FAM135B: variants seen among roughly 807,000 people sequenced by gnomAD.
The protein encoded by FAM135B is family with sequence similarity 135 member B.
A neutral mutation model predicts 127.7 loss-of-function variants in FAM135B; 43 were observed. The ratio of observed to expected loss-of-function variants is 0.34; its 90% CI spans 0.26 to 0.43. FAM135B has a LOEUF of 0.43. Ranked by LOEUF, FAM135B falls within the 20% of genes least tolerant of loss-of-function variation. FAM135B has a pLI of 1.00. For synonymous variants in FAM135B, 670 were observed against 665.1 expected (o/e 1.01, Z -0.11); for missense variants, 1,558 against 1,725.6 (o/e 0.90, Z 1.72).
intron 2 of FAM135B, among the ~76,000 whole-genome samples, chr8:138,315,113 T>A (rs537963417): frequency 4.9e-4 from 75 of 152,090 alleles, no homozygotes; most frequent in African/African-American, 1.8e-3. Flanking sequence ...TGCAACTCAA[T>A]AGCAGTAATA....
chr8:138,433,934 G>C (rs1177940226), intron 1 of FAM135B, among the ~76,000 whole-genome samples: 1 of 152,204 alleles, frequency 6.6e-6, no homozygotes, highest in East Asian at 1.9e-4. Context: ...ATGAAGAGAA[G>C]GGAGCAGCTG....
chr8:138,164,424 G>A (rs1819704587), intron 12 of FAM135B, among the ~76,000 whole-genome samples: 1 of 152,156 alleles, frequency 6.6e-6, no homozygotes, highest in African/African-American at 2.4e-5. Context: ...TGCAAAGAGA[G>A]GCTGGTCCTA....
intron 7 of FAM135B, among the ~76,000 whole-genome samples, chr8:138,235,222 C>A (rs887185103): frequency 6.8e-6 from 1 of 146,994 alleles, no homozygotes; most frequent in Non-Finnish European, 1.5e-5. Context: ...TGACTGACAC[C>A]CACAATGTGT....
At chr8:138,332,446 C>T (rs971774547) in intron 2 of FAM135B, among the ~76,000 whole-genome samples, 1 of 152,144 alleles carries the variant, frequency 6.6e-6, no homozygotes, top group African/African-American at 2.4e-5. Flanking sequence ...AATTAAGATG[C>T]CATATCCCAA....
At chr8:138,137,490 G>T (rs1218978648) in intron 18 of FAM135B, among the ~76,000 whole-genome samples, 1 of 152,132 alleles carries the variant, frequency 6.6e-6, no homozygotes, top group African/African-American at 2.4e-5. Context: ...AAGTCACTAA[G>T]CAGGGGCTTT....
At chr8:138,163,326 G>C (rs763592317) in intron 12 of FAM135B, among the ~76,000 whole-genome samples, 18 of 152,170 alleles carry the variant, frequency 1.2e-4, no homozygotes, top group Non-Finnish European at 1.8e-4. Context: ...TTGGGATAGA[G>C]AGGCATGGTG....
chr8:138,453,020 T>A (rs1437474688), intron 1 of FAM135B, among the ~76,000 whole-genome samples: 1 of 152,192 alleles, frequency 6.6e-6, no homozygotes, highest in Non-Finnish European at 1.5e-5. Flanking sequence ...TGTGGGTTAA[T>A]GTGGGAGAAG....
In FAM135B at chr8:138,132,569, C is replaced by A. The variant is rs2130479837; in HGVS notation, c.*24G>T. ...GCTCTCCACCGATCGTAAGCATTACCAAAGACCTGCTCCCTCAAAGCCACT... is the reference window on the plus strand; with the variant it reads ...GCTCTCCACCGATCGTAAGCATTACAAAAGACCTGCTCCCTCAAAGCCACT... On this transcript the variant is annotated 3_prime_UTR_variant, in exon 20 of 20. Transcript: ENST00000395297. This position sits in a 1 kb window ranked among gnomAD's most constrained non-coding sequence, Gnocchi z 4.5. The A allele has an allele frequency of 1.9e-6, 3 of 1,599,574 alleles. No homozygotes were observed. Among genetic ancestry groups the A allele is most frequent in the South Asian group, 1.1e-5 (1 of 90,746 alleles).
At chr8:138,314,491 G>A (rs1359425079) in intron 2 of FAM135B, among the ~76,000 whole-genome samples, 2 of 151,744 alleles carry the variant, frequency 1.3e-5, no homozygotes, top group South Asian at 2.1e-4. Context: ...TTCACCAAAG[G>A]GGACACACAG....
At chr8:138,377,585 C>T (rs2131269215) in intron 1 of FAM135B, among the ~76,000 whole-genome samples, 1 of 152,226 alleles carries the variant, frequency 6.6e-6, no homozygotes, top group Admixed American at 6.5e-5. Context: ...TAACCCACTC[C>T]CTCCATAACA....
At chr8:138,366,275 G>A (rs1263333688) in intron 2 of FAM135B, among the ~76,000 whole-genome samples, 1 of 152,166 alleles carries the variant, frequency 6.6e-6, no homozygotes, top group Non-Finnish European at 1.5e-5. Context: ...CTAATACCAT[G>A]ATGGAAACCT....
At position 138,151,557 on chromosome 8, in the gene FAM135B, T is replaced by C. The variant is rs1429234746; in HGVS notation, c.2918A>G (p.Asn973Ser). 6.2e-7 allele frequency: 1 copy of C among 1,614,132 alleles called. No individual in the cohort carries two copies. Among genetic ancestry groups the C allele is most frequent in the East Asian group, 2.2e-5 (1 of 44,888 alleles). The change falls in exon 13 of 20, where the codon AAT becomes AGT. Residue 973 changes from asparagine to serine, a missense_variant. Asn to Ser is a conservative substitution (Grantham distance 46, BLOSUM62 1). Transcript: ENST00000395297. Reference protein sequence around the residue: ...MDDTAFNRGVNAFPEAKHKAG... With the variant: ...MDDTAFNRGVSAFPEAKHKAG... ...TTTATGTTTAGCCTCCGGGAAGGCA[T>C]TCACTCCTCTATTAAATGCTGTGTC...
chr8:138,165,795 T>C (rs1174194137), intron 12 of FAM135B, among the ~76,000 whole-genome samples: 1 of 152,202 alleles, frequency 6.6e-6, no homozygotes, highest in African/African-American at 2.4e-5. Flanking sequence ...TTAAACTTGT[T>C]TTGACCAGTT....
chr8:138,273,067 A>G (rs757424156), intron 3 of FAM135B, among the ~76,000 whole-genome samples: 5 of 152,218 alleles, frequency 3.3e-5, no homozygotes, highest in Non-Finnish European at 5.9e-5. Context: ...AGGGGCTCAG[A>G]CAAATGGAGT....
rs1821038229 is a variant in FAM135B, at chr8:138,243,597, G to C, written c.543-529C>G. Among the ~76,000 whole-genome samples the C allele has an allele frequency of 6.6e-6, 1 of 152,170 alleles. No individual in the cohort carries two copies. Among genetic ancestry groups the C allele is most frequent in the Non-Finnish European group, 1.5e-5 (1 of 68,032 alleles). ...GCACTCGCTGTGTCAACGCTAATTG[G>C]GAAGACCATAACCTGCTCAGCTCAC... On this transcript the variant is annotated intron_variant, in intron 6 of 19. Coordinates refer to ENST00000395297, the MANE Select transcript of FAM135B (RefSeq NM_015912.4). The surrounding 1 kb of genome is among the most constrained non-coding windows in gnomAD (Gnocchi z 7.5).
At chr8:138,455,515 G>A (rs1005511357) in intron 1 of FAM135B, among the ~76,000 whole-genome samples, 2 of 152,130 alleles carry the variant, frequency 1.3e-5, no homozygotes, top group Non-Finnish European at 2.9e-5. Context: ...AGCTTTCCAT[G>A]TATTACCTAA....
intron 12 of FAM135B, among the ~76,000 whole-genome samples, chr8:138,160,900 A>G (rs1387782839): frequency 6.6e-6 from 1 of 152,180 alleles, no homozygotes; most frequent in Non-Finnish European, 1.5e-5. Flanking sequence ...CTTATGCACA[A>G]TACTTACAGA....
intron 1 of FAM135B, among the ~76,000 whole-genome samples, chr8:138,484,669 T>G (rs973996825): frequency 6.6e-6 from 1 of 152,162 alleles, no homozygotes; most frequent in Admixed American, 6.5e-5. Context: ...TGTTAATCTG[T>G]CGCTGAAAAA....
intron 1 of FAM135B, among the ~76,000 whole-genome samples, chr8:138,476,967 A>C (rs1344724256): frequency 1.3e-5 from 2 of 152,220 alleles, no homozygotes; most frequent in Non-Finnish European, 2.9e-5. Context: ...ATGAGAGAAG[A>C]AGCCAAGAAC....
Sources: gnomAD v4.1 joint callset for allele counts (sites outside exome capture counted in the v4.1 genomes callset) on GRCh38, gnomAD v4.1.1 for gene constraint, Gnocchi (gnomAD v3.1) non-coding constraint, MANE v1.5 for transcripts, NCBI Gene and HGNC (gene_info 2026-07-23, HGNC 2026-07-21) for gene names.